The following LRMDA variants were observed in gnomAD, a reference collection of about 807,000 sequenced individuals.
LRMDA encodes the protein leucine rich melanocyte differentiation associated.
A neutral mutation model predicts 29.8 loss-of-function variants in LRMDA; 18 were observed. That is an observed-to-expected ratio of 0.60 (90% CI 0.42 to 0.90). The LOEUF is 0.90. Ranked by LOEUF, LRMDA falls within the 40% of genes least tolerant of loss-of-function variation. LRMDA has a pLI of 0.00. For missense variants in LRMDA, 273 were observed against 273.9 expected (o/e 1.00, Z 0.02); for synonymous variants, 125 against 109.4 (o/e 1.14, Z -0.89).
chr10:75,485,542 G>A (rs1407336151), intron 2 of LRMDA, among the ~76,000 whole-genome samples: 2 of 152,084 alleles, frequency 1.3e-5, no homozygotes, highest in African/African-American at 4.8e-5. Flanking sequence ...CACTACAGGT[G>A]TGTGCCACCA....
At chr10:75,493,348 G>GTGTGTGT (rs1774093324) in intron 2 of LRMDA, among the ~76,000 whole-genome samples, 4 of 133,270 alleles carry the variant, frequency 3.0e-5, no homozygotes, top group African/African-American at 1.2e-4. Flanking sequence ...GTTGAGATTG[G>GTGTGTGT]GTGTGTGTGT....
intron 5 of LRMDA, among the ~76,000 whole-genome samples, chr10:76,280,614 T>C (rs930634219): frequency 3.9e-5 from 6 of 152,242 alleles, no homozygotes; most frequent in African/African-American, 1.4e-4. Context: ...TTAAAATTAG[T>C]CTGGGAGAGA....
intron 2 of LRMDA, among the ~76,000 whole-genome samples, chr10:75,650,971 C>G (rs972282392): frequency 6.6e-6 from 1 of 152,174 alleles, no homozygotes; most frequent in African/African-American, 2.4e-5. Flanking sequence ...AGGGAAGCCT[C>G]TTTGTGTCAT....
At chr10:76,151,585 T>A (rs1028715086) in intron 5 of LRMDA, among the ~76,000 whole-genome samples, 4 of 152,208 alleles carry the variant, frequency 2.6e-5, no homozygotes, top group Admixed American at 1.3e-4. Context: ...AAAAAATATA[T>A]TTCCCTCTAC....
chr10:76,309,768 G>A (rs544177958), intron 5 of LRMDA, among the ~76,000 whole-genome samples: 11 of 152,274 alleles, frequency 7.2e-5, no homozygotes, highest in African/African-American at 2.4e-4. Flanking sequence ...CCCTCTGGCA[G>A]TTTCAGAAGC....
At chr10:76,102,939 T>C (rs1849418890) in intron 5 of LRMDA, among the ~76,000 whole-genome samples, 1 of 152,240 alleles carries the variant, frequency 6.6e-6, no homozygotes, top group South Asian at 2.1e-4. Context: ...TGTGAGCCAC[T>C]GGCCTGAACA....
chr10:76,501,601 G>T (rs1314313369), intron 6 of LRMDA, among the ~76,000 whole-genome samples: 3 of 151,906 alleles, frequency 2.0e-5, no homozygotes, highest in Non-Finnish European at 4.4e-5. Flanking sequence ...GTTTTCATTT[G>T]AATTTCTCTA....
intron 6 of LRMDA, among the ~76,000 whole-genome samples, chr10:76,361,807 T>G (rs1239274931): frequency 2.6e-5 from 4 of 152,198 alleles, no homozygotes; most frequent in African/African-American, 9.7e-5. Flanking sequence ...GTTAAATTGT[T>G]GACACTGACA....
In LRMDA at chr10:75,470,696, G is replaced by T. The variant is rs544239626; in HGVS notation, c.131+32202G>T. On this transcript the variant is annotated intron_variant, in intron 2 of 6. Coordinates refer to ENST00000611255, the MANE Select transcript of LRMDA (RefSeq NM_001305581.2). ...CAGAGCTCACTTCTCTGCAGGGCAG[G>T]TCCCTCCTTGTAGGTGCCCTCAGTC... 3.3e-5 allele frequency among the ~76,000 whole-genome samples: 5 copies of T among 152,282 alleles called. No homozygotes were observed. In the South Asian group the frequency reaches 1.0e-3, roughly 32 times the overall value.
At chr10:75,857,667 T>A (rs1844851139) in intron 2 of LRMDA, among the ~76,000 whole-genome samples, 1 of 152,178 alleles carries the variant, frequency 6.6e-6, no homozygotes, top group Non-Finnish European at 1.5e-5. Context: ...GGGATAGAGA[T>A]CATAGAATTA....
At chr10:76,356,426 C>T (rs1434746470) in intron 6 of LRMDA, among the ~76,000 whole-genome samples, 1 of 152,140 alleles carries the variant, frequency 6.6e-6, no homozygotes, top group Non-Finnish European at 1.5e-5. Context: ...GCTTAGTAAC[C>T]CCTGTGTTTC....
chr10:76,036,196 C>G, intron 3 of LRMDA, 62 bp downstream of exon 3: 4 of 1,471,044 alleles, frequency 2.7e-6, no homozygotes, highest in Non-Finnish European at 3.7e-6. Flanking sequence ...TCCCCCAACC[C>G]CACCCTGCAC....
At chr10:75,704,407 C>T (rs997408206) in intron 2 of LRMDA, among the ~76,000 whole-genome samples, 1 of 152,102 alleles carries the variant, frequency 6.6e-6, no homozygotes, top group Admixed American at 6.5e-5. Flanking sequence ...TTTGTTAATC[C>T]ATTTTAAGCC....
At chr10:76,529,239 T>G (rs1426816139) in intron 6 of LRMDA, among the ~76,000 whole-genome samples, 1 of 152,102 alleles carries the variant, frequency 6.6e-6, no homozygotes, top group African/African-American at 2.4e-5. Flanking sequence ...CTTTTATGAT[T>G]GTGGTGAGGA....
intron 6 of LRMDA, among the ~76,000 whole-genome samples, chr10:76,382,998 A>C: frequency 6.6e-6 from 1 of 152,248 alleles, no homozygotes; most frequent in Non-Finnish European, 1.5e-5. Flanking sequence ...TACTGTTTTT[A>C]GTGGGTTTTA....
At chr10:76,162,731 C>T (rs1850670799) in intron 5 of LRMDA, among the ~76,000 whole-genome samples, 2 of 152,142 alleles carry the variant, frequency 1.3e-5, no homozygotes, top group African/African-American at 4.8e-5. Flanking sequence ...CACCAGGCCC[C>T]ACCTCTAATC....
intron 2 of LRMDA, chr10:75,451,181 C>T (rs1458071636): frequency 6.6e-6 from 1 of 152,218 alleles, no homozygotes; most frequent in African/African-American, 2.4e-5. Flanking sequence ...AATTGATTCA[C>T]TTAGCATTTG....
At chr10:75,927,265 C>T (rs1484761203) in intron 2 of LRMDA, among the ~76,000 whole-genome samples, 5 of 152,180 alleles carry the variant, frequency 3.3e-5, no homozygotes. Flanking sequence ...GGTCCTTTTC[C>T]TAACTCCCTG....
chr10:76,540,453 C>A (rs113803733), intron 6 of LRMDA, among the ~76,000 whole-genome samples: 1 of 152,208 alleles, frequency 6.6e-6, no homozygotes, highest in African/African-American at 2.4e-5. Flanking sequence ...ACATTTACAT[C>A]TGTGTATCAG....
Sources: gnomAD v4.1 joint callset for allele counts (sites outside exome capture counted in the v4.1 genomes callset) on GRCh38, gnomAD v4.1.1 for gene constraint, MANE v1.5 for transcripts, NCBI Gene and HGNC (gene_info 2026-07-23, HGNC 2026-07-21) for gene names.